Variants in DPYD observed in about 807,000 individuals in gnomAD.
DPYD encodes dihydropyrimidine dehydrogenase [NADP(+)].
In DPYD, 109 loss-of-function variants were observed where a neutral mutation model predicts 116.2. The ratio of observed to expected loss-of-function variants is 0.94; its 90% CI spans 0.80 to 1.10. The LOEUF (loss-of-function observed/expected upper bound fraction) is 1.10, where lower values mean the gene tolerates loss of function less well. Ranked by LOEUF, DPYD falls within the 50% of genes least tolerant of loss-of-function variation. The probability of loss-of-function intolerance (pLI) is 0.00; values close to 1 mark genes in which losing one functional copy is unlikely to be tolerated. For synonymous variants in DPYD, 440 were observed against 432.0 expected, an observed-to-expected ratio of 1.02 and a Z score of -0.23; for missense variants, 1,302 against 1,254.5, an observed-to-expected ratio of 1.04 and a Z score of -0.57.
chr1:97,257,023 A>G (rs1189863830), intron 18 of DPYD, among the ~76,000 whole-genome samples: 4 of 152,122 alleles, frequency 2.6e-5, no homozygotes, highest in Admixed American at 2.6e-4. Context: ...AAAAATTGGT[A>G]AAAAGAAATC....
chr1:97,771,578 T>C (rs1474129964), intron 3 of DPYD, among the ~76,000 whole-genome samples: 3 of 152,204 alleles, frequency 2.0e-5, no homozygotes, highest in Non-Finnish European at 4.4e-5. Flanking sequence ...AATTAAATCA[T>C]GGTATGATTC....
At position 97,615,569 on chromosome 1, in the gene DPYD, T is replaced by G. The variant is rs545273206; in HGVS notation, c.851-20403A>C. 3.9e-5 allele frequency among the ~76,000 whole-genome samples: 6 copies of G among 152,260 alleles called. No homozygotes were observed. The East Asian group carries it at 9.7e-4, about 25-fold the overall frequency. ...CCTATTCTTTTCACTTAATAATCTT[T>G]CAAATTAATCTCCTCAGTCTCACTA... On this transcript the variant is annotated intron_variant, in intron 8 of 22. Transcript: ENST00000370192.
At chr1:97,474,528 T>C (rs538092652) in intron 13 of DPYD, among the ~76,000 whole-genome samples, 1 of 152,032 alleles carries the variant, frequency 6.6e-6, no homozygotes, top group Non-Finnish European at 1.5e-5. Flanking sequence ...CAGATTAATA[T>C]TACTCCTAGT....
At chr1:97,744,986 C>G (rs928215073) in intron 3 of DPYD, among the ~76,000 whole-genome samples, 2 of 151,984 alleles carry the variant, frequency 1.3e-5, no homozygotes, top group Non-Finnish European at 2.9e-5. Flanking sequence ...AGGACTAACT[C>G]CATGTTCTGA....
intron 8 of DPYD, among the ~76,000 whole-genome samples, chr1:97,628,785 T>C (rs947667615): frequency 2.0e-5 from 3 of 152,116 alleles, no homozygotes; most frequent in Non-Finnish European, 2.9e-5. Context: ...TAAATACGAA[T>C]GTACTACGTA....
intron 20 of DPYD, among the ~76,000 whole-genome samples, chr1:97,119,721 C>T (rs1036877150): frequency 1.3e-5 from 2 of 152,176 alleles, no homozygotes; most frequent in African/African-American, 2.4e-5. Context: ...ACTCTTGTCA[C>T]TTCTAGCCTC....
intron 20 of DPYD, among the ~76,000 whole-genome samples, chr1:97,145,777 T>C (rs1654578616): frequency 6.6e-6 from 1 of 151,794 alleles, no homozygotes; most frequent in Non-Finnish European, 1.5e-5. Context: ...GTTTGACTTT[T>C]TTTTTTTTCC....
intron 4 of DPYD, among the ~76,000 whole-genome samples, chr1:97,730,919 A>G (rs1663567351): frequency 6.6e-6 from 1 of 152,088 alleles, no homozygotes; most frequent in Non-Finnish European, 1.5e-5. Context: ...GAATTCTACA[A>G]TTTCATTTAT....
intron 8 of DPYD, among the ~76,000 whole-genome samples, chr1:97,642,448 A>G (rs2100821280): frequency 6.6e-6 from 1 of 152,144 alleles, no homozygotes; most frequent in African/African-American, 2.4e-5. Flanking sequence ...CACATCTACA[A>G]CCATCTGATC....
intron 20 of DPYD, among the ~76,000 whole-genome samples, chr1:97,168,705 A>G (rs1408309382): frequency 6.6e-6 from 1 of 152,156 alleles, no homozygotes; most frequent in Non-Finnish European, 1.5e-5. Flanking sequence ...GATATATTCT[A>G]GATGACCAAA....
At chr1:97,760,274 C>A (rs560876908) in intron 3 of DPYD, among the ~76,000 whole-genome samples, 2 of 152,046 alleles carry the variant, frequency 1.3e-5, no homozygotes, top group African/African-American at 4.8e-5. Flanking sequence ...CATCTTCATT[C>A]CAAATATACA....
intron 5 of DPYD, among the ~76,000 whole-genome samples, chr1:97,714,379 A>AT (rs1041568564): frequency 5.3e-5 from 8 of 151,680 alleles, no homozygotes; most frequent in African/African-American, 9.7e-5. Context: ...CAGCTGGCTA[A>AT]TTTTTTTTAT....
chr1:97,791,941 T>C (rs1283090286), intron 3 of DPYD, among the ~76,000 whole-genome samples: 3 of 152,330 alleles, frequency 2.0e-5, no homozygotes, highest in East Asian at 3.9e-4. Context: ...ATCCTATTGC[T>C]CTGCGAAGCA....
At chr1:97,781,239 T>C (rs984095891) in intron 3 of DPYD, among the ~76,000 whole-genome samples, 5 of 152,246 alleles carry the variant, frequency 3.3e-5, no homozygotes, top group Non-Finnish European at 5.9e-5. Flanking sequence ...TGTAAATGTA[T>C]ACAAAAGTAA....
chr1:97,128,228 G>A (rs912478762), intron 20 of DPYD, among the ~76,000 whole-genome samples: 2 of 152,124 alleles, frequency 1.3e-5, no homozygotes, highest in Non-Finnish European at 2.9e-5. Context: ...AAAATATGTA[G>A]AGCATCATAT....
chr1:97,804,899 T>A (rs1314742218), intron 3 of DPYD, among the ~76,000 whole-genome samples: 1 of 151,894 alleles, frequency 6.6e-6, no homozygotes. Context: ...AATAAATTAT[T>A]TCATTTACAT....
At chr1:97,254,502 T>G (rs1487519850) in intron 18 of DPYD, among the ~76,000 whole-genome samples, 1 of 152,150 alleles carries the variant, frequency 6.6e-6, no homozygotes. Context: ...AATCACCTTA[T>G]GTACCATCAA....
At chr1:97,894,622 TATTA>T (rs1302765273) in intron 1 of DPYD, among the ~76,000 whole-genome samples, 3 of 151,672 alleles carry the variant, frequency 2.0e-5, no homozygotes, top group Admixed American at 6.6e-5. Context: ...TAACACTAGC[TATTA>T]ATTATATATC....
chr1:97,825,084 G>A (rs1476279002), intron 3 of DPYD, among the ~76,000 whole-genome samples: 3 of 151,784 alleles, frequency 2.0e-5, no homozygotes, highest in South Asian at 2.1e-4. Context: ...TTTATTTAAC[G>A]TTTTATTTAG....
Sources: gnomAD v4.1 joint callset for allele counts (sites outside exome capture counted in the v4.1 genomes callset) on GRCh38, gnomAD v4.1.1 for gene constraint, MANE v1.5 for transcripts, NCBI Gene and HGNC (gene_info 2026-07-23, HGNC 2026-07-21) for gene names.